The following PCDH15 variants were observed in gnomAD, a reference collection of about 807,000 sequenced individuals.
PCDH15 encodes protocadherin-15.
PCDH15 carries 129 observed loss-of-function variants against 178.5 expected under a neutral mutation model. The observed-to-expected ratio is 0.72, with a 90% CI of 0.63 to 0.84. The LOEUF (loss-of-function observed/expected upper bound fraction) is 0.84. Among genes scored for constraint, PCDH15 ranks in the 40% least tolerant of loss-of-function variants. The pLI, the probability that PCDH15 is intolerant of heterozygous loss-of-function variation, is 0.00. For synonymous variants in PCDH15, 800 were observed against 732.0 expected, an observed-to-expected ratio of 1.09 and a Z score of -1.50; for missense variants, 2,230 against 2,099.9, an observed-to-expected ratio of 1.06 and a Z score of -1.21.
intron 25 of PCDH15, among the ~76,000 whole-genome samples, chr10:53,908,089 A>T (rs980386725): frequency 5.3e-5 from 8 of 152,164 alleles, no homozygotes; most frequent in African/African-American, 1.9e-4. Flanking sequence ...CCAATGAGTT[A>T]AAAGTGTTCT....
At chr10:54,177,767 T>C (rs746565753) in intron 13 of PCDH15, among the ~76,000 whole-genome samples, 2 of 152,180 alleles carry the variant, frequency 1.3e-5, no homozygotes, top group African/African-American at 2.4e-5. Context: ...TGCATCATGA[T>C]ATAGCTGCCT....
At chr10:53,810,216 A>G (rs1274876130) in intron 37 of PCDH15, among the ~76,000 whole-genome samples, 1 of 152,182 alleles carries the variant, frequency 6.6e-6, no homozygotes, top group East Asian at 1.9e-4. Context: ...TTGCTAGATA[A>G]TGTGGGAGCA....
At chr10:54,857,051 G>T (rs1486646624) in intron 3 of PCDH15, among the ~76,000 whole-genome samples, 1 of 152,108 alleles carries the variant, frequency 6.6e-6, no homozygotes, top group Admixed American at 6.6e-5. Flanking sequence ...AGGAATGTCA[G>T]AACTAATCTG....
chr10:54,934,570 C>T (rs113721116), intron 2 of PCDH15, among the ~76,000 whole-genome samples: 11,156 of 151,552 alleles, frequency 0.074, 494 homozygotes, highest in Middle Eastern at 0.11. Flanking sequence ...ATTAAAAAGT[C>T]AGGAAACAAC....
chr10:54,442,417 TATATATATATATATATATATATATATATA>T lies in PCDH15; in HGVS notation c.158-63504_158-63476del, dbSNP rs2075860994. Reference sequence around the variant, plus strand: ...AAAAAAAAAAAGGCCTTAAAGGCTATATATATATATATATATATATATATATATATATATATATATATACAGTCTTTTTT... The same window carrying T: ...AAAAAAAAAAAGGCCTTAAAGGCTATTATATATATATATACAGTCTTTTTT... On this transcript the variant is annotated intron_variant, in intron 3 of 37. Transcript: ENST00000644397. Among the ~76,000 whole-genome samples, 42 of 60,730 alleles carry T rather than the reference TATATATATATATATATATATATATATATA, an allele frequency of 6.9e-4. 3 individuals carry two copies. Among genetic ancestry groups the T allele is most frequent in the African/African-American group, 2.4e-3 (40 of 16,342 alleles). 39.8% of individuals were successfully genotyped at this position (60,730 alleles called of 152,430 possible). A position where few individuals can be genotyped will look rare whatever the true frequency, so the allele number is the denominator to read the frequency against.
intron 2 of PCDH15, among the ~76,000 whole-genome samples, chr10:55,448,215 A>G (rs1839359186): frequency 6.6e-6 from 1 of 152,156 alleles, no homozygotes; most frequent in South Asian, 2.1e-4. Context: ...TGGCTAAGCT[A>G]GTTCTAACCT....
chr10:54,080,789 C>G (rs752708658), intron 16 of PCDH15, among the ~76,000 whole-genome samples: 9 of 152,208 alleles, frequency 5.9e-5, no homozygotes, highest in Non-Finnish European at 1.3e-4. Context: ...AAAACCAGTT[C>G]CCAGAGCATG....
chr10:55,608,235 G>A (rs1249066339), intron 2 of PCDH15, among the ~76,000 whole-genome samples: 1 of 149,756 alleles, frequency 6.7e-6, no homozygotes, highest in African/African-American at 2.4e-5. Flanking sequence ...AAATTTGGAG[G>A]AAGGAAGGAA....
intron 2 of PCDH15, among the ~76,000 whole-genome samples, chr10:55,526,998 T>C (rs959426573): frequency 2.0e-5 from 3 of 152,100 alleles, no homozygotes; most frequent in Admixed American, 1.3e-4. Context: ...GAAGAGCTAC[T>C]GTCCCTGGCA....
chr10:55,172,026 A>T (rs1839348337), intron 1 of PCDH15, among the ~76,000 whole-genome samples: 1 of 152,062 alleles, frequency 6.6e-6, no homozygotes, highest in Admixed American at 6.6e-5. Flanking sequence ...ACAATAACAT[A>T]AACTCTTCCT....
chr10:54,614,643 T>C (rs1040453712), intron 2 of PCDH15, among the ~76,000 whole-genome samples: 1 of 152,042 alleles, frequency 6.6e-6, no homozygotes, highest in Non-Finnish European at 1.5e-5. Flanking sequence ...GCTCTGTCAC[T>C]ACAAATAAGC....
At chr10:53,878,182 C>CACAA (rs1491287446) in intron 26 of PCDH15, among the ~76,000 whole-genome samples, 2 of 6,336 alleles carry the variant, frequency 3.2e-4, no homozygotes, top group African/African-American at 6.7e-3. Flanking sequence ...TATACTATGG[C>CACAA]ACACACACAC....
At chr10:54,892,256 G>A (rs940205682) in intron 3 of PCDH15, among the ~76,000 whole-genome samples, 3 of 152,004 alleles carry the variant, frequency 2.0e-5, no homozygotes, top group African/African-American at 7.2e-5. Context: ...TTCTGTTGTA[G>A]GCTGGATTAG....
At chr10:53,857,697 C>A (rs2078847190) in intron 27 of PCDH15, among the ~76,000 whole-genome samples, 1 of 151,870 alleles carries the variant, frequency 6.6e-6, no homozygotes, top group Non-Finnish European at 1.5e-5. Context: ...TAGAATAATT[C>A]ATTCTATGAG....
intron 8 of PCDH15, among the ~76,000 whole-genome samples, chr10:54,308,352 A>G (rs1465493623): frequency 6.6e-6 from 1 of 152,144 alleles, no homozygotes; most frequent in East Asian, 1.9e-4. Context: ...GAAGAGTTAG[A>G]CTTCATACTT....
chr10:55,062,212 C>T (rs1841450925), intron 2 of PCDH15, among the ~76,000 whole-genome samples: 2 of 152,052 alleles, frequency 1.3e-5, no homozygotes, highest in Admixed American at 1.3e-4. Context: ...GGGATTAGTG[C>T]CCTTATAAAA....
chr10:54,463,183 C>T (rs1479005769), intron 3 of PCDH15, among the ~76,000 whole-genome samples: 1 of 151,954 alleles, frequency 6.6e-6, no homozygotes, highest in Non-Finnish European at 1.5e-5. Flanking sequence ...TGCCAATAGG[C>T]CAGTAAATAT....
At chr10:54,084,315 T>C (rs1051852968) in intron 16 of PCDH15, among the ~76,000 whole-genome samples, 12 of 151,490 alleles carry the variant, frequency 7.9e-5, no homozygotes, top group African/African-American at 2.9e-4. Context: ...CTACTAAAAA[T>C]ACAAAAAATT....
intron 2 of PCDH15, among the ~76,000 whole-genome samples, chr10:55,024,877 C>T (rs1564727311): frequency 6.6e-6 from 1 of 152,076 alleles, no homozygotes; most frequent in Non-Finnish European, 1.5e-5. Context: ...ACTTGGCTGC[C>T]TGCCAGTAGT....
Sources: allele counts gnomAD v4.1 joint callset (sites outside exome capture counted in the v4.1 genomes callset), GRCh38; gene constraint gnomAD v4.1.1; transcripts MANE v1.5; gene names NCBI Gene and HGNC (gene_info 2026-07-23, HGNC 2026-07-21).